Variants in AGMO observed in about 807,000 individuals in gnomAD.
The protein encoded by AGMO is glyceryl-ether monooxygenase.
AGMO carries 75 observed loss-of-function variants against 60.2 expected under a neutral mutation model. The ratio of observed to expected loss-of-function variants is 1.25; its 90% CI spans 1.03 to 1.51. AGMO has a LOEUF of 1.51. Among genes scored for constraint, AGMO ranks in the 40% most tolerant of loss-of-function variants. The probability of loss-of-function intolerance (pLI) is 0.00; values close to 1 mark genes in which losing one functional copy is unlikely to be tolerated. For missense variants in AGMO, 763 were observed against 525.5 expected, an observed-to-expected ratio of 1.45 and a Z score of -4.42; for synonymous variants, 261 against 177.1, an observed-to-expected ratio of 1.47 and a Z score of -3.76.
At chr7:15,322,524 A>T (rs1217162009) in intron 12 of AGMO, among the ~76,000 whole-genome samples, 1 of 86,400 alleles carries the variant, frequency 1.2e-5, no homozygotes, top group South Asian at 3.4e-4. Flanking sequence ...ATAAATATAT[A>T]TAAATATATA....
chr7:15,392,724 G>A (rs1040258426), intron 6 of AGMO, among the ~76,000 whole-genome samples: 6 of 152,166 alleles, frequency 3.9e-5, no homozygotes, highest in South Asian at 2.1e-4. Flanking sequence ...ACTTGAACCC[G>A]GTAGGCGGAT....
At chr7:15,153,184 GTT>G in the AGMO span, among the ~76,000 whole-genome samples, 33 of 147,168 alleles carry the variant, frequency 2.2e-4, no homozygotes, top group African/African-American at 5.5e-4. Flanking sequence ...TGATAGGATT[GTT>G]TTTTTTTTTC....
At chr7:15,291,975 T>A (rs2128522422) in intron 12 of AGMO, among the ~76,000 whole-genome samples, 1 of 152,250 alleles carries the variant, frequency 6.6e-6, no homozygotes, top group East Asian at 1.9e-4. Flanking sequence ...TGCGACCACG[T>A]GTCAAGTATA....
intron 12 of AGMO, among the ~76,000 whole-genome samples, chr7:15,239,273 C>T (rs1008535113): frequency 1.3e-5 from 2 of 152,074 alleles, no homozygotes; most frequent in African/African-American, 4.8e-5. Flanking sequence ...GTATAGGATC[C>T]ATAGGAACGT....
At chr7:15,516,770 T>C (rs934162215) in intron 3 of AGMO, among the ~76,000 whole-genome samples, 1 of 151,978 alleles carries the variant, frequency 6.6e-6, no homozygotes, top group Non-Finnish European at 1.5e-5. Context: ...TTTTTTTTTT[T>C]CAGGTTTTAT....
intron 9 of AGMO, among the ~76,000 whole-genome samples, chr7:15,387,081 C>T (rs1200286435): frequency 6.6e-6 from 1 of 152,146 alleles, no homozygotes; most frequent in East Asian, 1.9e-4. Context: ...TGTTCTAGGA[C>T]TCTGTGTCTG....
chr7:15,339,518 G>A (rs911799759), intron 12 of AGMO, among the ~76,000 whole-genome samples: 1 of 152,156 alleles, frequency 6.6e-6, no homozygotes, highest in Non-Finnish European at 1.5e-5. Context: ...AGAAGAGTCT[G>A]CTCCAAACTT....
chr7:15,179,052 G>C, the AGMO span, among the ~76,000 whole-genome samples: 1 of 152,082 alleles, frequency 6.6e-6, no homozygotes, highest in Non-Finnish European at 1.5e-5. Context: ...CCTTTTAATA[G>C]TCTCATTTCT....
intron 12 of AGMO, among the ~76,000 whole-genome samples, chr7:15,226,337 G>T (rs1241205795): frequency 6.6e-6 from 1 of 152,058 alleles, no homozygotes; most frequent in African/African-American, 2.4e-5. Flanking sequence ...CAAGGACTCT[G>T]ATGTTTAGCC....
intron 12 of AGMO, among the ~76,000 whole-genome samples, chr7:15,208,478 T>G (rs1781495226): frequency 6.6e-6 from 1 of 152,188 alleles, no homozygotes; most frequent in Admixed American, 6.5e-5. Context: ...TATAAAAAAC[T>G]TTTAAGAATG....
the AGMO span, among the ~76,000 whole-genome samples, chr7:15,191,357 TC>T: frequency 6.6e-6 from 1 of 152,092 alleles, no homozygotes. Context: ...TTGCACATAA[TC>T]CCCCTAGGAA....
intron 12 of AGMO, among the ~76,000 whole-genome samples, chr7:15,280,549 A>T (rs1026828379): frequency 2.0e-5 from 3 of 152,168 alleles, no homozygotes; most frequent in African/African-American, 7.2e-5. Context: ...AACTTTTGGC[A>T]GCTCTACGGC....
intron 10 of AGMO, among the ~76,000 whole-genome samples, chr7:15,377,373 G>T (rs1045813104): frequency 2.0e-5 from 3 of 151,954 alleles, no homozygotes; most frequent in Non-Finnish European, 4.4e-5. Flanking sequence ...ATCTACATGA[G>T]TTTCTCATAT....
intron 3 of AGMO, among the ~76,000 whole-genome samples, chr7:15,436,548 C>T (rs1583551102): frequency 6.6e-6 from 1 of 152,092 alleles, no homozygotes. Flanking sequence ...GTTTCTAAAA[C>T]ATGAATTCTG....
At chr7:15,247,460 A>AGAGAGAGG (rs1782780712) in intron 12 of AGMO, among the ~76,000 whole-genome samples, 1 of 95,942 alleles carries the variant, frequency 1.0e-5, no homozygotes, top group Non-Finnish European at 2.0e-5. Flanking sequence ...ACACACACAC[A>AGAGAGAGG]GAGAGAGAGA....
intron 12 of AGMO, among the ~76,000 whole-genome samples, chr7:15,341,315 T>C (rs1404926848): frequency 1.3e-5 from 2 of 152,174 alleles, no homozygotes; most frequent in Non-Finnish European, 2.9e-5. Flanking sequence ...CCAGATACCT[T>C]AAATCATTTC....
chr7:15,407,837 G>C (rs1245932274), intron 5 of AGMO, among the ~76,000 whole-genome samples: 1 of 150,404 alleles, frequency 6.6e-6, no homozygotes, highest in Non-Finnish European at 1.5e-5. Flanking sequence ...AAATACAACA[G>C]AGTGGCATAA....
At chr7:15,133,676 T>C in the AGMO span, among the ~76,000 whole-genome samples, 17 of 152,250 alleles carry the variant, frequency 1.1e-4, no homozygotes, top group Middle Eastern at 3.4e-3. Flanking sequence ...TGGTGATATA[T>C]AGGAAAAGTG....
chr7:15,354,483 T>C (rs1782431410), intron 12 of AGMO, among the ~76,000 whole-genome samples: 2 of 24,118 alleles, frequency 8.3e-5, no homozygotes, highest in Non-Finnish European at 1.6e-4. Flanking sequence ...CACACGTGTG[T>C]ATATACACAC....
Sources: allele counts gnomAD v4.1 joint callset (sites outside exome capture counted in the v4.1 genomes callset), GRCh38; gene constraint gnomAD v4.1.1; transcripts MANE v1.5; gene names NCBI Gene and HGNC (gene_info 2026-07-23, HGNC 2026-07-21).